Variants in SH3BGR observed in about 807,000 individuals in gnomAD.
SH3BGR encodes SH3 domain-binding glutamic acid-rich protein.
In SH3BGR, 29 loss-of-function variants were observed where a neutral mutation model predicts 24.5. The observed-to-expected ratio is 1.18, with a 90% CI of 0.88 to 1.61. The LOEUF is 1.61. Among genes scored for constraint, SH3BGR ranks in the 40% most tolerant of loss-of-function variants. The pLI is 0.00. For missense variants in SH3BGR, 162 were observed against 205.8 expected (o/e 0.79, Z 1.30); for synonymous variants, 55 against 65.7 (o/e 0.84, Z 0.79).
chr21:39,511,420 G>A lies in SH3BGR; in HGVS notation c.436-260G>A, dbSNP rs2078692264. Among the ~76,000 whole-genome samples, 1 of 148,346 alleles carries A rather than the reference G, an allele frequency of 6.7e-6. No individual in the cohort carries two copies. Among genetic ancestry groups the A allele is most frequent in the East Asian group, 2.0e-4 (1 of 5,046 alleles). On this transcript the variant is annotated intron_variant, in intron 5 of 6. Coordinates refer to ENST00000333634, the MANE Select transcript of SH3BGR (RefSeq NM_007341.3). The surrounding 1 kb of genome is among the most constrained non-coding windows in gnomAD (Gnocchi z 4.2). ...GTGGATGTGTGTCTGGGTGGTGTGT[G>A]GGGGGGTGTGTGTGCTGTGTGTCAT...
At chr21:39,499,741 G>T in intron 3 of SH3BGR, 82 bp from the exon 4 acceptor site, 1 of 970,378 alleles carries the variant, frequency 1.0e-6, no homozygotes, top group East Asian at 2.5e-5. Flanking sequence ...GTCTAAATAA[G>T]AAAGCCACAG....
At chr21:39,450,276 A>G (rs2077558195), upstream of SH3BGR, among the ~76,000 whole-genome samples, 1 of 152,204 alleles carries the variant, frequency 6.6e-6, no homozygotes, top group South Asian at 2.1e-4. Flanking sequence ...AATTTGGGGA[A>G]CCATTAATCA....
chr21:39,499,733 CTAAA>C (rs1049335034), intron 3 of SH3BGR, 86 bp from the exon 4 acceptor site: 22 of 876,092 alleles, frequency 2.5e-5, no homozygotes, highest in Non-Finnish European at 3.8e-5. Context: ...TACTGTGTGT[CTAAA>C]TAAGAAAGCC....
At chr21:39,514,689 A>C (rs2078752532) in intron 6 of SH3BGR, among the ~76,000 whole-genome samples, 1 of 152,172 alleles carries the variant, frequency 6.6e-6, no homozygotes, top group Admixed American at 6.5e-5. Context: ...TTTGAGTCCC[A>C]GGGCAAATAA....
At chr21:39,514,727 C>G (rs928779022) in intron 6 of SH3BGR, among the ~76,000 whole-genome samples, 5 of 152,284 alleles carry the variant, frequency 3.3e-5, no homozygotes, top group African/African-American at 4.8e-5. Flanking sequence ...GATTCTACCT[C>G]CCCAAAGCTT....
chr21:39,505,767 A>G (rs922995423), intron 4 of SH3BGR, among the ~76,000 whole-genome samples: 2 of 151,982 alleles, frequency 1.3e-5, no homozygotes, highest in African/African-American at 2.4e-5. Flanking sequence ...CTTCGTCTCA[A>G]AAAAAAAGAG....
At chr21:39,479,244 G>A (rs369240611) in intron 3 of SH3BGR, among the ~76,000 whole-genome samples, 157 of 134,248 alleles carry the variant, frequency 1.2e-3, no homozygotes, top group African/African-American at 4.4e-3. Context: ...GGTGGTGGTG[G>A]TGGTGGTGGT....
chr21:39,510,909 C>CTATA (rs61692072), intron 5 of SH3BGR, among the ~76,000 whole-genome samples: 12,376 of 65,610 alleles, frequency 0.19, 1,923 homozygotes, highest in Admixed American at 0.2. Flanking sequence ...ATTCTTCTAA[C>CTATA]TATATATATA....
At chr21:39,497,199 A>G (rs1214199289) in intron 3 of SH3BGR, among the ~76,000 whole-genome samples, 1 of 150,558 alleles carries the variant, frequency 6.6e-6, no homozygotes, top group African/African-American at 2.4e-5. Context: ...TTGTATCAGT[A>G]TTTATATATA....
At chr21:39,512,684 T>A (rs1031478599) in intron 6 of SH3BGR, among the ~76,000 whole-genome samples, 2 of 152,028 alleles carry the variant, frequency 1.3e-5, no homozygotes, top group African/African-American at 2.4e-5. Context: ...CCCAGCTACT[T>A]GGGAGGCTGA....
At chr21:39,494,231 C>T (rs967235) in intron 3 of SH3BGR, among the ~76,000 whole-genome samples, 14,097 of 145,268 alleles carry the variant, frequency 0.097, 1,630 homozygotes, top group African/African-American at 0.28. Context: ...AGTCTTCTTC[C>T]TCTTCTTCTT....
chr21:39,456,750 G>C (rs1217423346), intron 1 of SH3BGR, among the ~76,000 whole-genome samples: 7 of 152,146 alleles, frequency 4.6e-5, no homozygotes, highest in African/African-American at 1.4e-4. Flanking sequence ...AGAAGTTTAA[G>C]AGAAATTCCA....
At chr21:39,452,301 T>A in intron 1 of SH3BGR, 160 bp downstream of exon 1, 1 of 345,072 alleles carries the variant, frequency 2.9e-6, no homozygotes. Context: ...GATTTCATAG[T>A]GTTGAAAAAG....
chr21:39,496,844 C>A (rs534699233), intron 3 of SH3BGR, among the ~76,000 whole-genome samples: 3 of 152,086 alleles, frequency 2.0e-5, no homozygotes, highest in South Asian at 4.2e-4. Context: ...AAGAAATAAA[C>A]CTGCAGTGTT....
rs530860509 is a variant in SH3BGR, at chr21:39,508,012, A to G, written c.406-986A>G. 1.2e-4 allele frequency among the ~76,000 whole-genome samples: 18 copies of G among 152,336 alleles called. 1 individual carries two copies. In the South Asian group the frequency reaches 3.7e-3, roughly 32 times the overall value. ...CTTAATTAGGAATCAGTAGACTTGCAGTGAGTCCTGATTGTGTTGACTCCT... is the reference window on the plus strand; with the variant it reads ...CTTAATTAGGAATCAGTAGACTTGCGGTGAGTCCTGATTGTGTTGACTCCT... On this transcript the variant is annotated intron_variant, in intron 4 of 6. Coordinates refer to ENST00000333634, the MANE Select transcript of SH3BGR (RefSeq NM_007341.3).
intron 3 of SH3BGR, among the ~76,000 whole-genome samples, 180 bp from the exon 4 acceptor site, chr21:39,499,643 G>A (rs2078459435): frequency 6.6e-6 from 1 of 152,164 alleles, no homozygotes; most frequent in East Asian, 1.9e-4. Context: ...ATCCCAGTCG[G>A]CATTTTGGAG....
chr21:39,463,205 G>A (rs8128809), intron 2 of SH3BGR, among the ~76,000 whole-genome samples: 1 of 152,150 alleles, frequency 6.6e-6, no homozygotes. Flanking sequence ...TTATAAAATT[G>A]ATTTGTAGAA....
intron 3 of SH3BGR, among the ~76,000 whole-genome samples, chr21:39,484,048 G>A (rs2078171162): frequency 6.6e-6 from 1 of 152,200 alleles, no homozygotes; most frequent in African/African-American, 2.4e-5. Context: ...CCAGGATATG[G>A]AAGTGGGTAA....
At chr21:39,450,622 C>G (rs919157167), upstream of SH3BGR, among the ~76,000 whole-genome samples, 1 of 152,088 alleles carries the variant, frequency 6.6e-6, no homozygotes, top group African/African-American at 2.4e-5. Flanking sequence ...GAGAGAGAGA[C>G]AGTAAGAGAC....
Sources: gnomAD v4.1 joint callset for allele counts (sites outside exome capture counted in the v4.1 genomes callset) on GRCh38, gnomAD v4.1.1 for gene constraint, Gnocchi (gnomAD v3.1) non-coding constraint, MANE v1.5 for transcripts, NCBI Gene and HGNC (gene_info 2026-07-23, HGNC 2026-07-21) for gene names.